The following DSCAM variants were observed in gnomAD, a reference collection of about 807,000 sequenced individuals.
DSCAM encodes cell adhesion molecule DSCAM.
DSCAM carries 47 observed loss-of-function variants against 217.7 expected under a neutral mutation model. The ratio of observed to expected loss-of-function variants is 0.22; its 90% CI spans 0.17 to 0.28. The LOEUF (loss-of-function observed/expected upper bound fraction) is 0.28, where lower values mean the gene tolerates loss of function less well. Ranked by LOEUF, DSCAM falls within the 10% of genes least tolerant of loss-of-function variation. The pLI is 1.00. For missense variants in DSCAM, 2,080 were observed against 2,618.3 expected, an observed-to-expected ratio of 0.79 and a Z score of 4.49; for synonymous variants, 1,056 against 1,015.3, an observed-to-expected ratio of 1.04 and a Z score of -0.76.
chr21:40,346,857 C>G (rs916406789), intron 6 of DSCAM, among the ~76,000 whole-genome samples: 1 of 152,186 alleles, frequency 6.6e-6, no homozygotes, highest in African/African-American at 2.4e-5. Context: ...CATTTTCAAT[C>G]TGAAGTTGTA....
chr21:40,243,213 T>G (rs550614691), intron 11 of DSCAM, among the ~76,000 whole-genome samples: 1 of 152,256 alleles, frequency 6.6e-6, no homozygotes, highest in Non-Finnish European at 1.5e-5. Flanking sequence ...CTGTTACATT[T>G]TGCAATTTAG....
In DSCAM at chr21:40,072,385, C is replaced by T. The variant is rs1284304104; in HGVS notation, c.4888+2652G>A. Among the ~76,000 whole-genome samples, 7 of 148,716 alleles carry T rather than the reference C, an allele frequency of 4.7e-5. No individual in the cohort carries two copies. The South Asian group carries it at 1.1e-3, about 23-fold the overall frequency. ...TTTTTGAGACAGAGTCTCGCTCTGT[C>T]ACCCAGGCTGGAGTGCAGTGGCGGG... is the stretch of plus-strand genomic sequence containing the variant. On this transcript the variant is annotated intron_variant, in intron 27 of 32. Transcript: ENST00000400454.
At chr21:40,175,799 A>ACACG (rs2146793887) in intron 15 of DSCAM, among the ~76,000 whole-genome samples, 2 of 108,570 alleles carry the variant, frequency 1.8e-5, no homozygotes, top group East Asian at 5.4e-4. Context: ...ACACACACAC[A>ACACG]CACACACACG....
Position 40,083,788 on chromosome 21 carries a change from T to C in DSCAM, c.4231+120A>G, listed in dbSNP as rs1601313710. ...TTAGGTAATGGAGGGATTGTTTATA[T>C]GACGTATTTTTGGGGGAGAATAAAG... On this transcript the variant is annotated intron_variant, in intron 24 of 32. Transcript: ENST00000400454. 3 of 627,048 alleles carry C rather than the reference T, an allele frequency of 4.8e-6. No individual in the cohort carries two copies. In the South Asian group the frequency reaches 7.6e-5, roughly 16 times the overall value. 38.8% of individuals were successfully genotyped at this position (627,048 alleles called of 1,614,324 possible).
intron 28 of DSCAM, among the ~76,000 whole-genome samples, chr21:40,058,034 T>G (rs2089055501): frequency 6.6e-6 from 1 of 151,810 alleles, no homozygotes; most frequent in African/African-American, 2.4e-5. Context: ...CACCACCATG[T>G]CTGGCTTTTT....
intron 8 of DSCAM, among the ~76,000 whole-genome samples, chr21:40,333,583 T>C (rs1025903037): frequency 1.3e-5 from 2 of 152,222 alleles, no homozygotes; most frequent in Admixed American, 1.3e-4. Context: ...CAGGCTGATC[T>C]CAAACTCCTG....
At chr21:40,609,942 A>C (rs905116898) in intron 3 of DSCAM, among the ~76,000 whole-genome samples, 3 of 152,228 alleles carry the variant, frequency 2.0e-5, no homozygotes, top group Non-Finnish European at 2.9e-5. Flanking sequence ...TTCTGGTGAC[A>C]GTCCAACAAA....
At chr21:40,834,180 G>A (rs777598424) in intron 1 of DSCAM, among the ~76,000 whole-genome samples, 15 of 151,786 alleles carry the variant, frequency 9.9e-5, no homozygotes, top group African/African-American at 2.7e-4. Context: ...AGGCCGAGGC[G>A]GGCGGATCAC....
chr21:40,536,136 A>G (rs1187537178), intron 3 of DSCAM, among the ~76,000 whole-genome samples: 2 of 152,202 alleles, frequency 1.3e-5, no homozygotes, highest in African/African-American at 4.8e-5. Flanking sequence ...GCGAAAAACA[A>G]TGAAAGTGGG....
intron 9 of DSCAM, among the ~76,000 whole-genome samples, chr21:40,304,729 A>C (rs550603684): frequency 6.6e-6 from 1 of 152,330 alleles, no homozygotes; most frequent in African/African-American, 2.4e-5. Context: ...AGGGAAGCTG[A>C]GAAATGGTCA....
chr21:40,344,810 C>T (rs1000568062), intron 6 of DSCAM, among the ~76,000 whole-genome samples: 1 of 152,098 alleles, frequency 6.6e-6, no homozygotes, highest in Non-Finnish European at 1.5e-5. Context: ...TACTTTTATA[C>T]CAAAGTCGAT....
At chr21:40,425,011 T>C (rs1249345438) in intron 3 of DSCAM, among the ~76,000 whole-genome samples, 2 of 152,000 alleles carry the variant, frequency 1.3e-5, no homozygotes, top group Non-Finnish European at 2.9e-5. Flanking sequence ...GGCACAAGGA[T>C]TGCTTGAACC....
At chr21:40,586,593 C>T (rs2076948871) in intron 3 of DSCAM, among the ~76,000 whole-genome samples, 1 of 152,164 alleles carries the variant, frequency 6.6e-6, no homozygotes, top group South Asian at 2.1e-4. Flanking sequence ...TGGGTAGAGC[C>T]TGAGATTTTG....
At position 40,692,943 on chromosome 21, in the gene DSCAM, G is replaced by A; in HGVS notation, c.375C>T (p.Pro125=). The A allele has an allele frequency of 6.2e-7, 1 of 1,607,062 alleles. No individual in the cohort carries two copies. The highest frequency in any genetic ancestry group is 8.5e-7 in the Non-Finnish European group (1 of 1,174,272). The change falls in exon 3 of 33, where the codon CCC becomes CCT. Residue 125 remains proline, a synonymous_variant. Coordinates refer to ENST00000400454, the MANE Select transcript of DSCAM (RefSeq NM_001389.5). ...TCTGGTCCTCCACACGGACTGTATAGGGCTCCCGTAAAACTGGAAGGCAGA... is the reference window on the plus strand; with the variant it reads ...TCTGGTCCTCCACACGGACTGTATAAGGCTCCCGTAAAACTGGAAGGCAGA... ...DVHIKAVLRE[P]YTVRVEDQKT... is the part of the protein sequence containing the mutation.
chr21:40,222,453 T>C (rs1442728481), intron 11 of DSCAM, among the ~76,000 whole-genome samples: 2 of 152,204 alleles, frequency 1.3e-5, no homozygotes, highest in East Asian at 3.8e-4. Context: ...AACCACCGCT[T>C]GCCAAATTTT....
At chr21:40,402,665 CTTT>C (rs1204900555) in intron 3 of DSCAM, among the ~76,000 whole-genome samples, 2 of 144,942 alleles carry the variant, frequency 1.4e-5, no homozygotes, top group South Asian at 2.2e-4. Flanking sequence ...TTGACATTGT[CTTT>C]TTTATTTGTT....
At chr21:40,492,875 G>A (rs1454734726) in intron 3 of DSCAM, among the ~76,000 whole-genome samples, 1 of 152,008 alleles carries the variant, frequency 6.6e-6, no homozygotes, top group East Asian at 1.9e-4. Context: ...TACAGGTACA[G>A]AAAAGTCAAA....
At chr21:40,677,162 A>T (rs2090349105) in intron 3 of DSCAM, among the ~76,000 whole-genome samples, 1 of 152,156 alleles carries the variant, frequency 6.6e-6, no homozygotes, top group South Asian at 2.1e-4. Context: ...TTCCTGGTAC[A>T]AGAACAATTG....
intron 3 of DSCAM, among the ~76,000 whole-genome samples, chr21:40,453,041 T>A (rs2075733192): frequency 4.3e-4 from 1 of 2,304 alleles, no homozygotes; most frequent in Admixed American, 3.9e-3. Context: ...TTAAAGACTT[T>A]GTGTGTGTGT....
Sources: gnomAD v4.1 joint callset for allele counts (sites outside exome capture counted in the v4.1 genomes callset) on GRCh38, gnomAD v4.1.1 for gene constraint, MANE v1.5 for transcripts, NCBI Gene and HGNC (gene_info 2026-07-23, HGNC 2026-07-21) for gene names.